The following HECW2 variants were observed in gnomAD, a reference collection of about 807,000 sequenced individuals.
The protein encoded by HECW2 is HECT, C2 and WW domain containing E3 ubiquitin protein ligase 2, also known as E3 ubiquitin-protein ligase HECW2.
Under a neutral mutation model 175.2 loss-of-function variants are expected in HECW2, and 61 were observed. The observed-to-expected ratio is 0.35, with a 90% CI of 0.28 to 0.43. The LOEUF (loss-of-function observed/expected upper bound fraction) is 0.43, where lower values mean the gene tolerates loss of function less well. Ranked by LOEUF, HECW2 falls within the 20% of genes least tolerant of loss-of-function variation. HECW2 has a pLI of 1.00. For synonymous variants in HECW2, 671 were observed against 731.0 expected, an observed-to-expected ratio of 0.92 and a Z score of 1.32; for missense variants, 1,524 against 2,000.5, an observed-to-expected ratio of 0.76 and a Z score of 4.54.
chr2:196,587,606 A>G (rs1367150816), intron 1 of HECW2, among the ~76,000 whole-genome samples: 2 of 152,256 alleles, frequency 1.3e-5, no homozygotes, highest in African/African-American at 4.8e-5. Flanking sequence ...AAATGGGAAT[A>G]CAATTTAAGA....
At chr2:196,518,832 C>T (rs990197333) in intron 1 of HECW2, among the ~76,000 whole-genome samples, 1 of 152,066 alleles carries the variant, frequency 6.6e-6, no homozygotes, top group African/African-American at 2.4e-5. Context: ...CTGCCTCTTA[C>T]AAGCAGCCTT....
At chr2:196,531,237 C>CAGG (rs1688828553) in intron 1 of HECW2, among the ~76,000 whole-genome samples, 1 of 152,206 alleles carries the variant, frequency 6.6e-6, no homozygotes, top group Non-Finnish European at 1.5e-5. Context: ...CCCTGGTTTG[C>CAGG]TGACTAATTC....
chr2:196,334,467 C>T lies in HECW2; in HGVS notation c.452G>A (p.Arg151Gln), dbSNP rs752395684. 1.6e-5 allele frequency: 26 copies of T among 1,609,860 alleles called. No homozygotes were observed. The highest frequency in any genetic ancestry group is 2.1e-5 in the Non-Finnish European group (25 of 1,178,308). The part of the protein sequence containing the change: ...KYYHGISGAL[R>Q]ATTPCITVKN... Reference sequence around the variant, plus strand: ...CACGGTGATGCAGGGGGTCGTGGCTCGCAGGGCTCCACTAATGCCGTGGTA... The same window carrying T: ...CACGGTGATGCAGGGGGTCGTGGCTTGCAGGGCTCCACTAATGCCGTGGTA... Residue 151 changes from arginine (R) to glutamine (Q), a missense_variant, in exon 4 of 29, where the codon CGA (arginine) becomes CAA (glutamine). By Grantham distance (43) the Arg-to-Gln change is conservative. Around this residue, in one of 11 missense-constraint regions of HECW2, gnomAD observed 135 missense variants for 214.6 expected, o/e 0.63. Transcript: ENST00000644978.
intron 1 of HECW2, among the ~76,000 whole-genome samples, chr2:196,458,378 T>C (rs1463509184): frequency 6.6e-6 from 1 of 152,024 alleles, no homozygotes; most frequent in African/African-American, 2.4e-5. Flanking sequence ...AAAGGAAAGG[T>C]CTCATAATGC....
chr2:196,474,210 T>C (rs1229614922), intron 1 of HECW2, among the ~76,000 whole-genome samples: 1 of 152,242 alleles, frequency 6.6e-6, no homozygotes, highest in South Asian at 2.1e-4. Context: ...TTGTCAAATG[T>C]TTAGCAAAGT....
chr2:196,285,362 T>A (rs188771455), intron 14 of HECW2, among the ~76,000 whole-genome samples: 103 of 152,360 alleles, frequency 6.8e-4, no homozygotes, highest in Middle Eastern at 6.8e-3. Flanking sequence ...CTTGTAACTA[T>A]GCTACAGAAC....
At chr2:196,542,045 C>T (rs1689234315) in intron 1 of HECW2, among the ~76,000 whole-genome samples, 1 of 151,870 alleles carries the variant, frequency 6.6e-6, no homozygotes, top group Non-Finnish European at 1.5e-5. Context: ...GGGCGGATCA[C>T]GAGGTCAGGA....
At chr2:196,254,283 T>G (rs1314772256) in intron 18 of HECW2, among the ~76,000 whole-genome samples, 1 of 152,140 alleles carries the variant, frequency 6.6e-6, no homozygotes, top group Non-Finnish European at 1.5e-5. Context: ...AACATATGAG[T>G]TTGAGTGTAC....
chr2:196,566,370 T>C (rs1690188534), intron 1 of HECW2, among the ~76,000 whole-genome samples: 1 of 151,884 alleles, frequency 6.6e-6, no homozygotes, highest in Non-Finnish European at 1.5e-5. Flanking sequence ...CTGCTTTAAA[T>C]AGTAGAATTT....
intron 1 of HECW2, among the ~76,000 whole-genome samples, chr2:196,568,613 G>C (rs1575681379): frequency 6.6e-6 from 1 of 152,150 alleles, no homozygotes; most frequent in Non-Finnish European, 1.5e-5. Flanking sequence ...CATGCATTCA[G>C]TTGAAACCGT....
chr2:196,212,598 G>A (rs1178893574), intron 28 of HECW2, among the ~76,000 whole-genome samples: 3 of 152,066 alleles, frequency 2.0e-5, no homozygotes, highest in Non-Finnish European at 4.4e-5. Flanking sequence ...GTCTACCATT[G>A]ATGGGCATTT....
rs1311553616 is a variant in HECW2, at chr2:196,273,154, GC to G, written c.3238+866del. 1.4e-5 allele frequency among the ~76,000 whole-genome samples: 2 copies of G among 145,596 alleles called. 1 individual carries two copies. Among genetic ancestry groups the G allele is most frequent in the Non-Finnish European group, 3.0e-5 (2 of 67,482 alleles). ...GCAATCTCGGCTCACTGGAACCTCT[GC>G]CTCCCAGGTTCAAGTGATTCTCCTG... is the stretch of plus-strand genomic sequence containing the variant. On this transcript the variant is annotated intron_variant, in intron 16 of 28. Coordinates refer to ENST00000644978, the MANE Select transcript of HECW2 (RefSeq NM_001348768.2).
intron 9 of HECW2, 76 bp downstream of exon 9, chr2:196,318,476 T>C (rs892940542): frequency 5.8e-6 from 8 of 1,373,184 alleles, no homozygotes; most frequent in Non-Finnish European, 3.8e-6. Flanking sequence ...CTTATTTACA[T>C]TGAGGGGAAA....
At chr2:196,539,494 C>G (rs532857541) in intron 1 of HECW2, among the ~76,000 whole-genome samples, 2 of 152,070 alleles carry the variant, frequency 1.3e-5, no homozygotes, top group African/African-American at 4.8e-5. Context: ...AATTGGCCGG[C>G]TGTGGTGGCG....
At chr2:196,359,810 C>T (rs554934800) in intron 2 of HECW2, among the ~76,000 whole-genome samples, 6 of 152,266 alleles carry the variant, frequency 3.9e-5, no homozygotes, top group African/African-American at 1.2e-4. Flanking sequence ...TAGTTAGAAG[C>T]ATGTGGGAAT....
chr2:196,337,627 T>C (rs1199877399), intron 3 of HECW2, among the ~76,000 whole-genome samples: 1 of 151,460 alleles, frequency 6.6e-6, no homozygotes, highest in Non-Finnish European at 1.5e-5. Context: ...TATTTGCATA[T>C]ACTTATATGT....
chr2:196,325,220 A>C, intron 5 of HECW2, 71 bp from the exon 6 acceptor site: 3 of 1,150,354 alleles, frequency 2.6e-6, no homozygotes, highest in Non-Finnish European at 3.7e-6. Context: ...GAAAGGAGGA[A>C]GGGAGAGAAC....
intron 22 of HECW2, among the ~76,000 whole-genome samples, chr2:196,226,657 C>T (rs1420506775): frequency 2.7e-5 from 4 of 150,586 alleles, no homozygotes; most frequent in Non-Finnish European, 5.9e-5. Context: ...AAATGCTATT[C>T]CCTCCTAGTG....
intron 1 of HECW2, among the ~76,000 whole-genome samples, chr2:196,481,966 G>A (rs1686857090): frequency 6.6e-6 from 1 of 152,126 alleles, no homozygotes. Context: ...TTTTCTGTAT[G>A]CCTTCTAACT....
Sources: allele counts gnomAD v4.1 joint callset (sites outside exome capture counted in the v4.1 genomes callset), GRCh38; gene constraint gnomAD v4.1.1; regional missense constraint gnomAD v4.1.1; transcripts MANE v1.5; gene names NCBI Gene and HGNC (gene_info 2026-07-23, HGNC 2026-07-21).